Variants in LAMA2 observed in about 807,000 individuals in gnomAD.
LAMA2 encodes laminin subunit alpha 2.
A neutral mutation model predicts 364.8 loss-of-function variants in LAMA2; 269 were observed. That is an observed-to-expected ratio of 0.74 (90% CI 0.67 to 0.82). The LOEUF (loss-of-function observed/expected upper bound fraction) is 0.82. Ranked by LOEUF, LAMA2 falls within the 40% of genes least tolerant of loss-of-function variation. LAMA2 has a pLI of 0.00. For synonymous variants in LAMA2, 1,379 were observed against 1,370.6 expected, an observed-to-expected ratio of 1.01 and a Z score of -0.14; for missense variants, 3,807 against 3,873.2, an observed-to-expected ratio of 0.98 and a Z score of 0.45.
At chr6:129,383,042 A>C (rs1778782988) in intron 34 of LAMA2, 80 bp from the exon 35 acceptor site, 1 of 1,160,450 alleles carries the variant, frequency 8.6e-7, no homozygotes, top group Admixed American at 1.9e-5. Flanking sequence ...ATTTGAAAGA[A>C]AATGCAGCCA....
rs1410242506 is a variant in LAMA2, at chr6:129,094,850, G to T, written c.397-3323G>T. On this transcript the variant is annotated intron_variant, in intron 3 of 64. Transcript: ENST00000421865. Reference sequence around the variant, plus strand: ...AGAAAAGAAACAATGGATAACAGAGGGTAAAAGAGTTTCAGTAATTTTCTC... The same window carrying T: ...AGAAAAGAAACAATGGATAACAGAGTGTAAAAGAGTTTCAGTAATTTTCTC... Among the ~76,000 whole-genome samples, 4 of 152,008 alleles carry T rather than the reference G, an allele frequency of 2.6e-5. No individual in the cohort carries two copies. In the East Asian group the frequency reaches 7.7e-4, roughly 29 times the overall value.
At chr6:129,247,557 C>T (rs1052039798) in intron 12 of LAMA2, among the ~76,000 whole-genome samples, 8 of 152,118 alleles carry the variant, frequency 5.3e-5, no homozygotes, top group African/African-American at 1.9e-4. Flanking sequence ...GACATTGATT[C>T]TAATATTGTG....
Position 129,352,281 on chromosome 6 carries a change from G to A in LAMA2, c.4524-883G>A, listed in dbSNP as rs184054121. Among the ~76,000 whole-genome samples, 73 of 152,250 alleles carry A rather than the reference G, an allele frequency of 4.8e-4. No individual in the cohort carries two copies. In the East Asian group the frequency reaches 6.9e-3, roughly 14 times the overall value. On this transcript the variant is annotated intron_variant, in intron 31 of 64. Coordinates refer to ENST00000421865, the MANE Select transcript of LAMA2 (RefSeq NM_000426.4). ...TACCAAACTTCCAGTGTCATAACAC[G>A]GAGTGAAATACACTTAGGTGAATGG...
chr6:129,158,709 A>G (rs1779274843), intron 8 of LAMA2: 3 of 1,614,188 alleles, frequency 1.9e-6, no homozygotes, highest in South Asian at 2.2e-5. Context: ...AACAGGGGGC[A>G]TGTGGGTTGC....
intron 22 of LAMA2, among the ~76,000 whole-genome samples, chr6:129,306,226 C>A (rs1236464421): frequency 1.3e-5 from 2 of 150,092 alleles, no homozygotes; most frequent in African/African-American, 2.4e-5. Context: ...ATTTTCATTT[C>A]ATATCATTTT....
chr6:129,099,863 G>A (rs975045385), intron 4 of LAMA2, among the ~76,000 whole-genome samples: 1 of 152,190 alleles, frequency 6.6e-6, no homozygotes, highest in African/African-American at 2.4e-5. Flanking sequence ...CTCAAATGCA[G>A]TGAGTCAAAC....
At chr6:129,495,305 G>C (rs1292623851) in intron 58 of LAMA2, among the ~76,000 whole-genome samples, 2 of 151,918 alleles carry the variant, frequency 1.3e-5, no homozygotes, top group African/African-American at 2.4e-5. Context: ...CCTTCCCTAG[G>C]CTAACCATTT....
chr6:129,283,200 A>G (rs184390313), intron 18 of LAMA2, among the ~76,000 whole-genome samples: 62 of 152,226 alleles, frequency 4.1e-4, no homozygotes, highest in African/African-American at 1.2e-3. Context: ...AAGATTCTAG[A>G]CTTTTATCAT....
rs374815503 is a variant in LAMA2 at position 129,454,272 on chromosome 6, C to G, written c.6691C>G (p.Arg2231Gly). 7.5e-6 allele frequency: 12 copies of G among 1,610,718 alleles called. No homozygotes were observed. In the African/African-American group the frequency reaches 1.3e-4, roughly 18 times the overall value. The change falls in exon 47 of 65, where the codon CGT (arginine) becomes GGT (glycine). Residue 2231 changes from arginine (R) to glycine (G), a missense_variant. This residue lies in a region of LAMA2 where 3,333 missense variants were observed against 3,345.7 expected (regional missense o/e 1.00). Transcript: ENST00000421865. ...GACTATTGATGACTCATATTGGTAC[C>G]GTATCGTAGCATCAAGGTAACCAAC... is the stretch of plus-strand genomic sequence containing the variant. Reference protein sequence around the residue: ...DLTIDDSYWYRIVASRTGRNG... With the variant: ...DLTIDDSYWYGIVASRTGRNG...
Position 129,353,198 on chromosome 6 carries a change from C to A in LAMA2, c.4558C>A (p.Pro1520Thr). The A allele has an allele frequency of 6.2e-7, 1 of 1,613,992 alleles. No homozygotes were observed. The highest frequency in any genetic ancestry group is 8.5e-7 in the Non-Finnish European group (1 of 1,179,946). The change falls in exon 32 of 65, where the codon CCT (proline) becomes ACT (threonine). Residue 1520 changes from proline (P) to threonine (T), a missense_variant. Coordinates refer to ENST00000421865, the MANE Select transcript of LAMA2 (RefSeq NM_000426.4). Reference sequence around the variant, plus strand: ...TGGCTATACTGGCAGTCCAGGCAACCCTGGAGGCTCCTGCCAAGAATGTGA... The same window carrying A: ...TGGCTATACTGGCAGTCCAGGCAACACTGGAGGCTCCTGCCAAGAATGTGA... ...APGYTGSPGN[P>T]GGSCQECECD...
In LAMA2 at chr6:128,962,462, T is replaced by G. The variant is rs572179905; in HGVS notation, c.112+79105T>G. Among the ~76,000 whole-genome samples, 145 of 152,134 alleles carry G rather than the reference T, an allele frequency of 9.5e-4. 1 individual carries two copies. Among genetic ancestry groups the G allele is most frequent in the South Asian group, 1.5e-3 (7 of 4,814 alleles). On this transcript the variant is annotated intron_variant, in intron 1 of 64. Transcript: ENST00000421865. Reference sequence around the variant, plus strand: ...TGTGTCTCACGTTTAGAGGGTAGCTTAAGAGGTTCTTTAACTGCATGACTA... The same window carrying G: ...TGTGTCTCACGTTTAGAGGGTAGCTGAAGAGGTTCTTTAACTGCATGACTA...
At chr6:129,035,556 GCAATTAGTCTTAGTCATTAATTCTTTA>G (rs1354872653) in intron 1 of LAMA2, among the ~76,000 whole-genome samples, 7 of 81,646 alleles carry the variant, frequency 8.6e-5, no homozygotes, top group Non-Finnish European at 2.6e-5. Context: ...ATTTGCTTTT[GCAATTAGTCTTAGTCATTAATTCTTTA>G]CCTAGGCCAA....
intron 4 of LAMA2, among the ~76,000 whole-genome samples, chr6:129,136,399 A>G (rs1777793161): frequency 6.6e-6 from 1 of 152,182 alleles, no homozygotes; most frequent in Non-Finnish European, 1.5e-5. Context: ...TTAAAAAGTT[A>G]GTTCTTCTGG....
intron 41 of LAMA2, chr6:129,437,120 C>T (rs1050896931): frequency 6.6e-6 from 1 of 152,044 alleles, no homozygotes; most frequent in African/African-American, 2.4e-5. Context: ...AAATGCTCTA[C>T]TAATCCCTAG....
At chr6:129,297,898 A>T (rs1562430658) in intron 21 of LAMA2, 33 bp downstream of exon 21, 1 of 1,579,620 alleles carries the variant, frequency 6.3e-7, no homozygotes, top group African/African-American at 1.3e-5. Flanking sequence ...CTACATATTC[A>T]CTCTGATAGT....
At chr6:129,119,868 C>T (rs971182792) in intron 4 of LAMA2, among the ~76,000 whole-genome samples, 6 of 152,254 alleles carry the variant, frequency 3.9e-5, no homozygotes, top group Admixed American at 3.9e-4. Context: ...TTTTGATATG[C>T]ACTGGCACAA....
intron 12 of LAMA2, among the ~76,000 whole-genome samples, chr6:129,242,731 C>T (rs1366672573): frequency 1.3e-5 from 2 of 152,124 alleles, no homozygotes; most frequent in Non-Finnish European, 2.9e-5. Context: ...TGCAAAGACC[C>T]TGTTTTTGGG....
At chr6:128,978,057 T>C (rs1322049618) in intron 1 of LAMA2, among the ~76,000 whole-genome samples, 2 of 152,186 alleles carry the variant, frequency 1.3e-5, no homozygotes, top group Non-Finnish European at 2.9e-5. Flanking sequence ...TAAGAGAAGA[T>C]AAGTACGGAG....
chr6:129,176,572 A>C, intron 9 of LAMA2, among the ~76,000 whole-genome samples: 1 of 152,104 alleles, frequency 6.6e-6, no homozygotes, highest in East Asian at 1.9e-4. Flanking sequence ...TGTTGTCCAC[A>C]TATTTTTGTA....
Sources: allele counts gnomAD v4.1 joint callset (sites outside exome capture counted in the v4.1 genomes callset), GRCh38; gene constraint gnomAD v4.1.1; regional missense constraint gnomAD v4.1.1; transcripts MANE v1.5; gene names NCBI Gene and HGNC (gene_info 2026-07-23, HGNC 2026-07-21).